EFL1: variants seen among roughly 807,000 people sequenced by gnomAD.
EFL1 encodes the protein elongation factor-like GTPase 1.
A neutral mutation model predicts 126.7 loss-of-function variants in EFL1; 76 were observed. The ratio of observed to expected loss-of-function variants is 0.60; its 90% CI spans 0.50 to 0.73. EFL1 has a LOEUF of 0.73. Ranked by LOEUF, EFL1 falls within the 30% of genes least tolerant of loss-of-function variation. The pLI, the probability that EFL1 is intolerant of heterozygous loss-of-function variation, is 0.00. For missense variants in EFL1, 1,128 were observed against 1,343.2 expected, an observed-to-expected ratio of 0.84 and a Z score of 2.50; for synonymous variants, 410 against 448.4, an observed-to-expected ratio of 0.91 and a Z score of 1.08.
intron 16 of EFL1, among the ~76,000 whole-genome samples, chr15:82,163,135 A>G (rs1487325485): frequency 1.3e-5 from 2 of 152,234 alleles, no homozygotes; most frequent in Non-Finnish European, 2.9e-5. Context: ...TTCTAAACAG[A>G]CGGGAAATTC....
At position 82,217,373 on chromosome 15, in the gene EFL1, G is replaced by GAAAA; in HGVS notation, c.1611+2275_1611+2278dup. On this transcript the variant is annotated intron_variant, in intron 14 of 19. Coordinates refer to ENST00000268206, the MANE Select transcript of EFL1 (RefSeq NM_024580.6). ...AATCAAGGTAGCATTGATTAGATTT[G>GAAAA]AAAAAAAAAAAAAAAAAAAAAACGA... 1.9e-3 allele frequency among the ~76,000 whole-genome samples: 52 copies of GAAAA among 27,144 alleles called. 3 individuals are homozygous for GAAAA. The highest frequency in any genetic ancestry group is 3.0e-3 in the Non-Finnish European group (43 of 14,494). The allele number at this position is 27,144 out of a possible 152,430, so 17.8% of individuals were successfully genotyped here.
chr15:82,207,944 C>T (rs1400822035), intron 15 of EFL1, among the ~76,000 whole-genome samples: 1 of 152,154 alleles, frequency 6.6e-6, no homozygotes, highest in African/African-American at 2.4e-5. Context: ...TGGTTTTGAA[C>T]TCCTGACCTC....
intron 4 of EFL1, among the ~76,000 whole-genome samples, chr15:82,241,618 T>C (rs1245926952): frequency 6.6e-6 from 1 of 152,252 alleles, no homozygotes; most frequent in Non-Finnish European, 1.5e-5. Flanking sequence ...AAGGACTTTA[T>C]TATTCTAATA....
chr15:82,167,476 C>T (rs1015222593), intron 15 of EFL1, among the ~76,000 whole-genome samples: 11 of 151,924 alleles, frequency 7.2e-5, no homozygotes, highest in Non-Finnish European at 1.3e-4. Context: ...CAAATGTTTC[C>T]CTTTAAGAAG....
chr15:82,207,994 T>A (rs2074544472), intron 15 of EFL1, among the ~76,000 whole-genome samples: 2 of 152,332 alleles, frequency 1.3e-5, no homozygotes, highest in South Asian at 4.1e-4. Flanking sequence ...GTGCTGGGAT[T>A]ACAGGCGTGA....
intron 12 of EFL1, among the ~76,000 whole-genome samples, 173 bp downstream of exon 12, chr15:82,224,992 A>G (rs1057344539): frequency 7.9e-5 from 12 of 152,230 alleles, no homozygotes; most frequent in Non-Finnish European, 1.3e-4. Context: ...CAGAGGTATC[A>G]CAAAAGGATA....
chr15:82,172,350 G>C (rs900641322), intron 15 of EFL1, among the ~76,000 whole-genome samples: 1 of 152,114 alleles, frequency 6.6e-6, no homozygotes, highest in Non-Finnish European at 1.5e-5. Flanking sequence ...TTGAGAACAG[G>C]CACAATTGTG....
At chr15:82,168,866 A>C (rs1362491329) in intron 15 of EFL1, among the ~76,000 whole-genome samples, 1 of 152,226 alleles carries the variant, frequency 6.6e-6, no homozygotes, top group African/African-American at 2.4e-5. Context: ...TACCCAGTAA[A>C]ATGAGAAGAA....
chr15:82,219,594 T>C, intron 14 of EFL1, 58 bp downstream of exon 14: 2 of 1,532,158 alleles, frequency 1.3e-6, no homozygotes, highest in Non-Finnish European at 1.8e-6. Context: ...CAACAAAATG[T>C]GAAAAGATAT....
intron 15 of EFL1, among the ~76,000 whole-genome samples, chr15:82,181,327 G>C (rs1003043102): frequency 1.3e-5 from 2 of 152,096 alleles, no homozygotes; most frequent in African/African-American, 4.8e-5. Flanking sequence ...AATATTTAAA[G>C]CTTCTGAAAA....
intron 15 of EFL1, among the ~76,000 whole-genome samples, chr15:82,181,745 C>T (rs980150555): frequency 2.0e-5 from 3 of 152,112 alleles, no homozygotes; most frequent in African/African-American, 7.2e-5. Context: ...ATCCCTCAGG[C>T]TCTTCCCAGT....
intron 15 of EFL1, among the ~76,000 whole-genome samples, chr15:82,169,689 C>A (rs969728083): frequency 6.6e-6 from 1 of 151,818 alleles, no homozygotes; most frequent in Non-Finnish European, 1.5e-5. Context: ...TTTTTCTCTA[C>A]AGTAACTTTT....
rs2074787044 is a variant in EFL1, at chr15:82,228,418, T to G, written c.933-91A>C. 15 of 1,453,412 alleles carry G rather than the reference T, an allele frequency of 1.0e-5. No individual in the cohort carries two copies. In the South Asian group the frequency reaches 2.1e-4, roughly 20 times the overall value. The allele number at this position is 1,453,412 out of a possible 1,614,324, so 90.0% of individuals were successfully genotyped here. A position where few individuals can be genotyped will look rare whatever the true frequency, so the allele number is the denominator to read the frequency against. On this transcript the variant is annotated intron_variant, in intron 9 of 19. Transcript: ENST00000268206. ...AACATTATTTGGCATATTTTTACCC[T>G]AATGTGTTACTTTTTCAAAAAAAGC...
chr15:82,140,504 T>G (rs1262686506), intron 18 of EFL1, among the ~76,000 whole-genome samples: 3 of 152,180 alleles, frequency 2.0e-5, no homozygotes, highest in South Asian at 2.1e-4. Flanking sequence ...ATGAGTATTC[T>G]TTGAGGCTTC....
At chr15:82,139,948 C>T (rs566510480) in intron 18 of EFL1, among the ~76,000 whole-genome samples, 1 of 152,224 alleles carries the variant, frequency 6.6e-6, no homozygotes, top group South Asian at 2.1e-4. Flanking sequence ...GTCTGACTTC[C>T]AAACTTTTCT....
In EFL1 at chr15:82,163,372, A is replaced by G. The variant is rs570172280; in HGVS notation, c.1882+481T>C. Among the ~76,000 whole-genome samples the G allele has an allele frequency of 2.9e-4, 44 of 152,186 alleles. No homozygotes were observed. The South Asian group carries it at 9.1e-3, about 32-fold the overall frequency. ...GCCTGGCCAACTGGCGAAACCCCGT[A>G]TCTACTAAAAATACAAAAATTAGCC... On this transcript the variant is annotated intron_variant, in intron 16 of 19. Coordinates refer to ENST00000268206, the MANE Select transcript of EFL1 (RefSeq NM_024580.6).
At chr15:82,227,731 T>C (rs564390954) in intron 10 of EFL1, among the ~76,000 whole-genome samples, 159 bp from the exon 11 acceptor site, 2 of 152,180 alleles carry the variant, frequency 1.3e-5, no homozygotes, top group Non-Finnish European at 2.9e-5. Flanking sequence ...TCTCAAAACA[T>C]GCATACAATT....
chr15:82,145,368 A>G (rs2073833654), intron 18 of EFL1, among the ~76,000 whole-genome samples: 1 of 151,938 alleles, frequency 6.6e-6, no homozygotes, highest in Non-Finnish European at 1.5e-5. Flanking sequence ...GTTAAAGTAC[A>G]TGTGTTCCAA....
Position 82,162,540 on chromosome 15 carries a change from G to A in EFL1, c.1882+1313C>T, listed in dbSNP as rs771006753. Reference sequence around the variant, plus strand: ...GAGTAGAATAAAAGAACAAAATCACGAAAGGCCAGGATCTGAACAAGCCTA... The same window carrying A: ...GAGTAGAATAAAAGAACAAAATCACAAAAGGCCAGGATCTGAACAAGCCTA... On this transcript the variant is annotated intron_variant, in intron 16 of 19. Coordinates refer to ENST00000268206, the MANE Select transcript of EFL1 (RefSeq NM_024580.6). Among the ~76,000 whole-genome samples the A allele has an allele frequency of 3.3e-5, 5 of 152,126 alleles. No individual in the cohort carries two copies. The South Asian group carries it at 8.3e-4, about 25-fold the overall frequency.
Sources: allele counts gnomAD v4.1 joint callset (sites outside exome capture counted in the v4.1 genomes callset), GRCh38; gene constraint gnomAD v4.1.1; transcripts MANE v1.5; gene names NCBI Gene and HGNC (gene_info 2026-07-23, HGNC 2026-07-21).